JAK1: variants seen among roughly 807,000 people sequenced by gnomAD.
JAK1 encodes Janus kinase 1.
JAK1 carries 16 observed loss-of-function variants against 136.6 expected under a neutral mutation model. The observed-to-expected ratio is 0.12, with a 90% CI of 0.08 to 0.18. JAK1 has a LOEUF of 0.18. Among genes scored for constraint, JAK1 ranks in the 10% least tolerant of loss-of-function variants. The pLI, the probability that JAK1 is intolerant of heterozygous loss-of-function variation, is 1.00. For missense variants in JAK1, 859 were observed against 1,450.1 expected, an observed-to-expected ratio of 0.59 and a Z score of 6.62; for synonymous variants, 492 against 519.5, an observed-to-expected ratio of 0.95 and a Z score of 0.72.
At chr1:64,945,670 C>T (rs1035819926) in intron 1 of JAK1, among the ~76,000 whole-genome samples, 1 of 137,048 alleles carries the variant, frequency 7.3e-6, no homozygotes, top group Admixed American at 6.9e-5. Flanking sequence ...ACGAAGTTGA[C>T]GGACAAACAA....
At chr1:64,959,399 A>G (rs1450417074) in intron 1 of JAK1, among the ~76,000 whole-genome samples, 1 of 152,236 alleles carries the variant, frequency 6.6e-6, no homozygotes, top group Non-Finnish European at 1.5e-5. Context: ...AACTGAATAC[A>G]TATTTGAGAG....
At chr1:64,966,281 G>A (rs1446079929) in intron 1 of JAK1, 52 bp downstream of exon 1, 2 of 152,682 alleles carry the variant, frequency 1.3e-5, no homozygotes, top group South Asian at 2.1e-4. Flanking sequence ...CGCGCCCCTC[G>A]CCTGCCGACC....
upstream of JAK1, among the ~76,000 whole-genome samples, chr1:64,969,039 G>A (rs1358975104): frequency 2.0e-5 from 3 of 151,472 alleles, no homozygotes; most frequent in Non-Finnish European, 4.4e-5. Context: ...GAGCCCAGGA[G>A]TTTGAGGCTG....
chr1:64,878,981 G>T (rs1267825840), intron 4 of JAK1, 44 bp downstream of exon 4: 1 of 1,608,882 alleles, frequency 6.2e-7, no homozygotes. Context: ...CTGTCCCTCA[G>T]TGCAGAGGGA....
chr1:64,960,270 C>T (rs1330324854), intron 1 of JAK1, among the ~76,000 whole-genome samples: 1 of 152,200 alleles, frequency 6.6e-6, no homozygotes, highest in Admixed American at 6.5e-5. Context: ...ATTTTCAGCT[C>T]ATGCTGGCAT....
At chr1:64,983,675 A>T (rs1467536230) in intron 2 of JAK1, among the ~76,000 whole-genome samples, 1 of 152,222 alleles carries the variant, frequency 6.6e-6, no homozygotes, top group Non-Finnish European at 1.5e-5. Context: ...TGGTCCAGTG[A>T]GAAGGAACAG....
intron 1 of JAK1, among the ~76,000 whole-genome samples, chr1:64,964,074 T>G (rs182901776): frequency 1.6e-4 from 24 of 152,338 alleles, no homozygotes; most frequent in African/African-American, 5.5e-4. Flanking sequence ...AGGTTCCATA[T>G]ACCACTGAGC....
chr1:65,013,965 A>G lies in JAK1; in HGVS notation c.-78+30515T>C, dbSNP rs371488340. 1.3e-4 allele frequency among the ~76,000 whole-genome samples: 20 copies of G among 152,340 alleles called. 1 individual carries two copies. Among genetic ancestry groups the G allele is most frequent in the Admixed American group, 3.3e-4 (5 of 15,304 alleles). ...TACAAAAAGTGACCAACAAATTTTT[A>G]AGAACAATAAAATTAAACTTCTAGA... On this transcript the variant is annotated intron_variant, in intron 2 of 25. Transcript: ENST00000671954.
intron 2 of JAK1, among the ~76,000 whole-genome samples, chr1:64,884,686 T>C (rs1483907854): frequency 6.6e-6 from 1 of 152,220 alleles, no homozygotes; most frequent in Non-Finnish European, 1.5e-5. Context: ...AATATCTTTC[T>C]ACCTTATCCC....
chr1:64,925,743 T>C (rs1055582381), intron 1 of JAK1, among the ~76,000 whole-genome samples: 1 of 152,210 alleles, frequency 6.6e-6, no homozygotes, highest in Non-Finnish European at 1.5e-5. Context: ...GACCTTTATA[T>C]AACAATGAGA....
chr1:64,835,502 A>C lies in JAK1; in HGVS notation c.3263T>G (p.Phe1088Cys). 6.4e-7 allele frequency: 1 copy of C among 1,557,498 alleles called. No homozygotes were observed. The highest frequency in any genetic ancestry group is 1.2e-5 in the South Asian group (1 of 86,650). ...ATGGGTTGGGCCTATCATTTTCAGGAACAACTATATAAAATAAAATCAAAC... is the reference window on the plus strand; with the variant it reads ...ATGGGTTGGGCCTATCATTTTCAGGCACAACTATATAAAATAAAATCAAAC... Reference protein sequence around the residue: ...CDSDSSPMALFLKMIGPTHGQ... With the variant: ...CDSDSSPMALCLKMIGPTHGQ... Residue 1088 changes from phenylalanine (F) to cysteine (C), a missense_variant, in exon 24 of 25, where the codon TTC becomes TGC. This residue lies in a region of JAK1 where 44 missense variants were observed against 137.6 expected (regional missense o/e 0.32). Transcript: ENST00000342505.
intron 1 of JAK1, among the ~76,000 whole-genome samples, chr1:65,060,954 A>G (rs1257626596): frequency 6.6e-6 from 1 of 152,236 alleles, no homozygotes; most frequent in East Asian, 1.9e-4. Flanking sequence ...GGAAGAGAGA[A>G]AACAGTGATG....
At chr1:65,044,422 AT>A (rs374625157) in intron 2 of JAK1, among the ~76,000 whole-genome samples, 2 of 152,338 alleles carry the variant, frequency 1.3e-5, no homozygotes, top group African/African-American at 4.8e-5. Context: ...GAGAAAGTAA[AT>A]GAAGTTGCAA....
chr1:64,899,466 A>G (rs1645072531), intron 1 of JAK1, among the ~76,000 whole-genome samples: 1 of 152,206 alleles, frequency 6.6e-6, no homozygotes, highest in African/African-American at 2.4e-5. Context: ...ACATTATAGA[A>G]AGATATCACT....
intron 5 of JAK1, 43 bp from the exon 6 acceptor site, chr1:64,869,517 G>T (rs1282636778): frequency 3.2e-6 from 5 of 1,569,736 alleles, no homozygotes; most frequent in South Asian, 2.2e-5. Flanking sequence ...ACCCGTTTTT[G>T]ATCTTGACAA....
chr1:64,924,835 T>C (rs979918451), intron 1 of JAK1, among the ~76,000 whole-genome samples: 2 of 152,108 alleles, frequency 1.3e-5, no homozygotes, highest in African/African-American at 4.8e-5. Flanking sequence ...CAAATACACA[T>C]GGTCAGCAGG....
At chr1:64,955,286 G>A (rs774813763) in intron 1 of JAK1, among the ~76,000 whole-genome samples, 1 of 152,178 alleles carries the variant, frequency 6.6e-6, no homozygotes, top group African/African-American at 2.4e-5. Context: ...AGAACACGAC[G>A]TACTGGAACA....
upstream of JAK1, among the ~76,000 whole-genome samples, chr1:64,968,314 T>C (rs530674715): frequency 6.6e-6 from 1 of 151,646 alleles, no homozygotes; most frequent in South Asian, 2.1e-4. Flanking sequence ...ATAGACTAGG[T>C]TCCTGACCTC....
intron 1 of JAK1, among the ~76,000 whole-genome samples, chr1:64,939,439 G>A (rs1569632387): frequency 6.6e-6 from 1 of 152,206 alleles, no homozygotes; most frequent in Non-Finnish European, 1.5e-5. Flanking sequence ...GCAGAAGTTT[G>A]GAGTCACTAG....
Sources: gnomAD v4.1 joint callset for allele counts (sites outside exome capture counted in the v4.1 genomes callset) on GRCh38, gnomAD v4.1.1 for gene constraint, gnomAD v4.1.1 regional missense constraint, MANE v1.5 for transcripts, NCBI Gene and HGNC (gene_info 2026-07-23, HGNC 2026-07-21) for gene names.